The following PARD3B variants were observed in gnomAD, a reference collection of about 807,000 sequenced individuals.
The protein encoded by PARD3B is par-3 family cell polarity regulator beta.
A neutral mutation model predicts 130.2 loss-of-function variants in PARD3B; 103 were observed. That is an observed-to-expected ratio of 0.79 (90% CI 0.67 to 0.93). The LOEUF is 0.93. PARD3B is among the 40% of genes least tolerant of loss of function. The probability of loss-of-function intolerance (pLI) is 0.00; values close to 1 mark genes in which losing one functional copy is unlikely to be tolerated. For missense variants in PARD3B, 1,609 were observed against 1,499.2 expected (o/e 1.07, Z -1.21); for synonymous variants, 583 against 553.2 (o/e 1.05, Z -0.76).
chr2:204,891,202 T>C (rs947795064), intron 2 of PARD3B, among the ~76,000 whole-genome samples: 2 of 150,298 alleles, frequency 1.3e-5, no homozygotes, highest in African/African-American at 2.5e-5. Flanking sequence ...TTTTTTTTTT[T>C]AACCTTGTGC....
intron 3 of PARD3B, among the ~76,000 whole-genome samples, chr2:205,001,806 A>G (rs1694856646): frequency 6.6e-6 from 1 of 152,208 alleles, no homozygotes. Flanking sequence ...AAGTTGTTCC[A>G]GGCTGATGTG....
At chr2:205,193,083 A>G in intron 14 of PARD3B, 122 bp from the exon 15 acceptor site, 1 of 617,684 alleles carries the variant, frequency 1.6e-6, no homozygotes, top group Non-Finnish European at 2.9e-6. Context: ...GAATTAGTTG[A>G]AAATATGTGG....
rs1343569306 is a variant in PARD3B, at chr2:205,562,860, T to G, written c.3260+9457T>G. Among the ~76,000 whole-genome samples the G allele has an allele frequency of 6.6e-6, 1 of 152,344 alleles. No individual in the cohort carries two copies. The highest frequency in any genetic ancestry group is 2.1e-4 in the South Asian group (1 of 4,826). On this transcript the variant is annotated intron_variant, in intron 22 of 22. Coordinates refer to ENST00000406610, the MANE Select transcript of PARD3B (RefSeq NM_001302769.2). This position sits in a 1 kb window ranked among gnomAD's most constrained non-coding sequence, Gnocchi z 5.4. ...CCTACCTCCTCCTGTCTTCTCTGAC[T>G]CCAGCCATTTGCACTGTCCCTTGAT...
chr2:205,176,444 G>A lies in PARD3B; in HGVS notation c.1792-1G>A. The A allele has an allele frequency of 6.3e-7, 1 of 1,596,656 alleles. No homozygotes were observed. Among genetic ancestry groups the A allele is most frequent in the Non-Finnish European group, 8.5e-7 (1 of 1,174,918 alleles). Reference sequence around the variant, plus strand: ...ATGTAATTTTTACTTTTATCTCTTAGGATCCTGCAGAGTGTGGGGCATTTT... The same window carrying A: ...ATGTAATTTTTACTTTTATCTCTTAAGATCCTGCAGAGTGTGGGGCATTTT... On this transcript the variant is annotated splice_acceptor_variant, in intron 12 of 22. Transcript: ENST00000406610. LOFTEE classifies it high-confidence loss of function. The surrounding 1 kb of genome is among the most constrained non-coding windows in gnomAD (Gnocchi z 5.3).
At chr2:204,980,100 T>C in intron 3 of PARD3B, among the ~76,000 whole-genome samples, 1 of 152,148 alleles carries the variant, frequency 6.6e-6, no homozygotes, top group East Asian at 1.9e-4. Flanking sequence ...GTGTACAGGA[T>C]ACATAAATAA....
chr2:205,471,353 C>CTTTTTTT (rs769669913), intron 20 of PARD3B, among the ~76,000 whole-genome samples: 1,360 of 85,044 alleles, frequency 0.016, 19 homozygotes, highest in African/African-American at 0.036. Context: ...ACTCACTTTT[C>CTTTTTTT]TTTTTTTTTT....
chr2:205,058,340 C>T (rs892664224), intron 4 of PARD3B, among the ~76,000 whole-genome samples: 1 of 151,908 alleles, frequency 6.6e-6, no homozygotes, highest in Non-Finnish European at 1.5e-5. Context: ...CTACTCATCT[C>T]TTGATGGACA....
chr2:205,168,659 CT>C (rs541871516), intron 11 of PARD3B, among the ~76,000 whole-genome samples: 4,514 of 132,898 alleles, frequency 0.034, 107 homozygotes, highest in African/African-American at 0.065. Context: ...GGTAGACAGC[CT>C]TTTTTTTTTT....
In PARD3B at chr2:205,615,970, G is replaced by A; in HGVS notation, c.*157G>A. On this transcript the variant is annotated 3_prime_UTR_variant, in exon 23 of 23. Transcript: ENST00000406610. The stretch of plus-strand genomic sequence containing the variant: ...GTAACGCATGACTGCTAATCAGAGA[G>A]AAAAAGAAGGGGAAGGGAATTGGGG... 1.5e-6 allele frequency: 1 copy of A among 645,186 alleles called. No individual in the cohort carries two copies. 40.0% of individuals were successfully genotyped at this position (645,186 alleles called of 1,614,324 possible). A position where few individuals can be genotyped will look rare whatever the true frequency, so the allele number is the denominator to read the frequency against.
At chr2:204,951,344 T>C (rs1005147662) in intron 2 of PARD3B, among the ~76,000 whole-genome samples, 1 of 152,206 alleles carries the variant, frequency 6.6e-6, no homozygotes, top group African/African-American at 2.4e-5. Flanking sequence ...TATGTAGATC[T>C]CTGTTACTGG....
chr2:205,114,216 C>T (rs1298791129), intron 6 of PARD3B, among the ~76,000 whole-genome samples: 2 of 152,058 alleles, frequency 1.3e-5, no homozygotes. Flanking sequence ...TTGAAATTTA[C>T]ATCTATCTAA....
intron 5 of PARD3B, among the ~76,000 whole-genome samples, chr2:205,106,548 C>T (rs910989152): frequency 2.7e-5 from 4 of 149,216 alleles, no homozygotes; most frequent in South Asian, 2.1e-4. Context: ...ATTATCAAAA[C>T]GGGCTTTTCA....
chr2:204,798,752 G>A (rs1467434787), intron 2 of PARD3B, among the ~76,000 whole-genome samples: 1 of 151,980 alleles, frequency 6.6e-6, no homozygotes, highest in Non-Finnish European at 1.5e-5. Context: ...CCCGGCCCTA[G>A]TTCCCAGGTG....
intron 1 of PARD3B, among the ~76,000 whole-genome samples, chr2:204,665,342 G>A (rs1337880127): frequency 3.3e-5 from 5 of 152,050 alleles, no homozygotes; most frequent in African/African-American, 9.7e-5. Flanking sequence ...GGACTAGAAG[G>A]GCTCTGCCAG....
intron 2 of PARD3B, among the ~76,000 whole-genome samples, chr2:204,833,511 T>A (rs2043909051): frequency 6.6e-6 from 1 of 152,028 alleles, no homozygotes; most frequent in African/African-American, 2.4e-5. Flanking sequence ...TTATCTTGAA[T>A]TGGAGCTCCC....
chr2:204,575,499 T>A (rs1454776826), intron 1 of PARD3B, among the ~76,000 whole-genome samples: 1 of 152,246 alleles, frequency 6.6e-6, no homozygotes, highest in Non-Finnish European at 1.5e-5. Flanking sequence ...AAAGCAGTTC[T>A]CGTTTTCCTC....
chr2:204,578,946 T>C (rs1343790916), intron 1 of PARD3B, among the ~76,000 whole-genome samples: 3 of 151,942 alleles, frequency 2.0e-5, no homozygotes, highest in Non-Finnish European at 4.4e-5. Context: ...ATGGAAGAGA[T>C]GATTCCTCCT....
chr2:205,595,712 A>G (rs1455486990), intron 22 of PARD3B, among the ~76,000 whole-genome samples: 1 of 152,236 alleles, frequency 6.6e-6, no homozygotes, highest in Non-Finnish European at 1.5e-5. Flanking sequence ...GGAATAAATC[A>G]ATAAATCAGG....
intron 1 of PARD3B, among the ~76,000 whole-genome samples, chr2:204,547,349 A>C (rs915607048): frequency 6.6e-6 from 1 of 152,212 alleles, no homozygotes; most frequent in Non-Finnish European, 1.5e-5. Flanking sequence ...GAGTACAATG[A>C]AAGGTCTATT....
Sources: allele counts gnomAD v4.1 joint callset (sites outside exome capture counted in the v4.1 genomes callset), GRCh38; gene constraint gnomAD v4.1.1; non-coding constraint Gnocchi (gnomAD v3.1); transcripts MANE v1.5; gene names NCBI Gene and HGNC (gene_info 2026-07-23, HGNC 2026-07-21).